DNAH14: variants seen among roughly 807,000 people sequenced by gnomAD.
DNAH14 encodes the protein axonemal beta dynein heavy chain 14.
In DNAH14, 478 loss-of-function variants were observed where a neutral mutation model predicts 520.9. That is an observed-to-expected ratio of 0.92 (90% CI 0.85 to 0.99). The LOEUF (loss-of-function observed/expected upper bound fraction) is 0.99, where lower values mean the gene tolerates loss of function less well. Among genes scored for constraint, DNAH14 ranks in the 50% least tolerant of loss-of-function variants. The pLI is 0.00. For missense variants in DNAH14, 4,831 were observed against 5,234.5 expected, an observed-to-expected ratio of 0.92 and a Z score of 2.38; for synonymous variants, 1,581 against 1,757.2, an observed-to-expected ratio of 0.90 and a Z score of 2.51.
chr1:225,173,032 GT>G (rs2082888684), intron 36 of DNAH14, among the ~76,000 whole-genome samples: 1 of 152,156 alleles, frequency 6.6e-6, no homozygotes, highest in South Asian at 2.1e-4. Flanking sequence ...TTAATAAATG[GT>G]GCTGGGAAAA....
Position 225,080,442 on chromosome 1 carries a change from ACTCT to A in DNAH14, c.2834_2837del (p.Leu945GlnfsTer7), listed in dbSNP as rs751611387. On this transcript the variant is annotated frameshift_variant, in exon 19 of 86. Transcript: ENST00000682510. LOFTEE classifies it high-confidence loss of function. ...GTCAACAGCAATGGAAATGATCCAG[ACTCT>A]CTCAGGGGAAGCTGCAAGTTTAACT... The A allele has an allele frequency of 1.3e-6, 2 of 1,551,424 alleles. No homozygotes were observed. The highest frequency in any genetic ancestry group is 1.7e-6 in the Non-Finnish European group (2 of 1,146,866).
chr1:225,138,396 G>A (rs986715591), intron 27 of DNAH14, among the ~76,000 whole-genome samples: 1 of 152,224 alleles, frequency 6.6e-6, no homozygotes, highest in African/African-American at 2.4e-5. Flanking sequence ...GGCTGACTGG[G>A]ATTCCAAGCC....
chr1:225,325,388 G>A (rs1335632184), intron 64 of DNAH14, among the ~76,000 whole-genome samples: 3 of 151,806 alleles, frequency 2.0e-5, no homozygotes, highest in Non-Finnish European at 4.4e-5. Flanking sequence ...GGGAGGCTGA[G>A]GCAGGAGAAT....
chr1:225,102,507 A>G (rs555051690), intron 23 of DNAH14, among the ~76,000 whole-genome samples: 1 of 152,302 alleles, frequency 6.6e-6, no homozygotes, highest in East Asian at 1.9e-4. Context: ...AGTCCCACCA[A>G]CAGTGTAAAA....
intron 27 of DNAH14, among the ~76,000 whole-genome samples, chr1:225,127,458 T>A (rs1276845461): frequency 6.6e-6 from 1 of 152,182 alleles, no homozygotes; most frequent in African/African-American, 2.4e-5. Flanking sequence ...TTTACCATTA[T>A]GTAATGGCCT....
At chr1:225,250,486 A>G (rs552247140) in intron 43 of DNAH14, among the ~76,000 whole-genome samples, 1 of 152,268 alleles carries the variant, frequency 6.6e-6, no homozygotes, top group Non-Finnish European at 1.5e-5. Context: ...AAAACAAAGA[A>G]GAATATACAA....
chr1:225,270,612 G>A (rs1031599906), intron 49 of DNAH14, 123 bp from the exon 50 acceptor site: 1 of 761,240 alleles, frequency 1.3e-6, no homozygotes, highest in Non-Finnish European at 1.9e-6. Flanking sequence ...GCAATAAATA[G>A]TAATTAAATC....
chr1:225,157,405 A>T (rs1424604531), intron 34 of DNAH14, among the ~76,000 whole-genome samples: 1 of 152,196 alleles, frequency 6.6e-6, no homozygotes, highest in Non-Finnish European at 1.5e-5. Context: ...CTTACGCTTA[A>T]ATTTTAGTTA....
rs572678177 is a variant in DNAH14, at chr1:225,018,759, A to G, written c.1108-4856A>G. Among the ~76,000 whole-genome samples, 13 of 152,316 alleles carry G rather than the reference A, an allele frequency of 8.5e-5. No homozygotes were observed. In the South Asian group the frequency reaches 2.1e-3, roughly 24 times the overall value. ...TAGAGGCCTATTTTTAACATCCTTA[A>G]AGGAAAGAAATTCCAACCAAAAATG... On this transcript the variant is annotated intron_variant, in intron 10 of 85. Transcript: ENST00000682510.
chr1:225,389,455 A>C (rs990047453), intron 82 of DNAH14, among the ~76,000 whole-genome samples: 2 of 152,224 alleles, frequency 1.3e-5, no homozygotes, highest in Non-Finnish European at 2.9e-5. Context: ...TGCCTCAAAA[A>C]CAACGGACAA....
At chr1:225,334,512 A>T (rs918085931) in intron 66 of DNAH14, among the ~76,000 whole-genome samples, 15 of 151,586 alleles carry the variant, frequency 9.9e-5, no homozygotes, top group African/African-American at 2.9e-4. Flanking sequence ...GAAAAAAAAA[A>T]TTGTCTTGCT....
intron 71 of DNAH14, among the ~76,000 whole-genome samples, chr1:225,348,041 A>G (rs188100978): frequency 4.6e-5 from 7 of 152,222 alleles, no homozygotes; most frequent in Non-Finnish European, 4.4e-5. Context: ...ATAAAAAAGA[A>G]TGAAACAAAT....
rs191293408 is a variant in DNAH14, at chr1:225,280,555, C to T, written c.8271+3053C>T. ...CAGAGCTTGCAGTGAGCCGAGATAG[C>T]GCCACTGAACTCCAGCCTGGGTGAC... On this transcript the variant is annotated intron_variant, in intron 54 of 85. Transcript: ENST00000682510. Among the ~76,000 whole-genome samples, 48 of 151,338 alleles carry T rather than the reference C, an allele frequency of 3.2e-4. No homozygotes were observed. In the East Asian group the frequency reaches 6.4e-3, roughly 20 times the overall value.
chr1:225,105,196 T>G (rs190112537), intron 23 of DNAH14, among the ~76,000 whole-genome samples: 2 of 152,324 alleles, frequency 1.3e-5, no homozygotes, highest in South Asian at 2.1e-4. Flanking sequence ...TTGAGCGGTT[T>G]TGAGTGAGTT....
intron 46 of DNAH14, 88 bp from the exon 47 acceptor site, chr1:225,264,109 A>G: frequency 8.8e-7 from 1 of 1,132,986 alleles, no homozygotes; most frequent in South Asian, 1.6e-5. Flanking sequence ...AGTAAAATTC[A>G]CAATATGCTG....
chr1:225,378,904 G>GA lies in DNAH14; in HGVS notation c.12717-1250dup, dbSNP rs1280318485. Among the ~76,000 whole-genome samples the GA allele has an allele frequency of 6.1e-5, 9 of 148,328 alleles. No individual in the cohort carries two copies. In the East Asian group the frequency reaches 1.6e-3, roughly 26 times the overall value. ...CAAAAAAAAAAAAAGAAAAGAAAAA[G>GA]AAAAATCAGTCCCGGCTAGTAAATA... On this transcript the variant is annotated intron_variant, in intron 79 of 85. Coordinates refer to ENST00000682510, the MANE Select transcript of DNAH14 (RefSeq NM_001367479.1).
Position 225,385,553 on chromosome 1 carries a change from G to A in DNAH14, c.13078-2826G>A, listed in dbSNP as rs571688247. On this transcript the variant is annotated intron_variant, in intron 81 of 85. Coordinates refer to ENST00000682510, the MANE Select transcript of DNAH14 (RefSeq NM_001367479.1). ...AAGTCTCAGGATACCAAATCAATGT[G>A]CAAAAATCACAAGCATTCCTATACA... Among the ~76,000 whole-genome samples the A allele has an allele frequency of 1.5e-4, 23 of 152,286 alleles. 2 individuals are homozygous for A. The highest frequency in any genetic ancestry group is 5.5e-4 in the African/African-American group (23 of 41,564).
At chr1:224,930,399 C>G (rs550084958) in intron 1 of DNAH14, among the ~76,000 whole-genome samples, 1 of 152,286 alleles carries the variant, frequency 6.6e-6, no homozygotes, top group East Asian at 1.9e-4. Context: ...TGCCTCATAA[C>G]AGCGGTAGTC....
chr1:224,994,818 G>A (rs2063291769), intron 8 of DNAH14, among the ~76,000 whole-genome samples: 1 of 151,868 alleles, frequency 6.6e-6, no homozygotes, highest in South Asian at 2.1e-4. Context: ...TTCTTTTTTT[G>A]TGTTGGGTCT....
Sources: gnomAD v4.1 joint callset for allele counts (sites outside exome capture counted in the v4.1 genomes callset) on GRCh38, gnomAD v4.1.1 for gene constraint, MANE v1.5 for transcripts, NCBI Gene and HGNC (gene_info 2026-07-23, HGNC 2026-07-21) for gene names.